TFCP2: variants seen among roughly 807,000 people sequenced by gnomAD.
The protein encoded by TFCP2 is alpha-globin transcription factor CP2.
In TFCP2, 33 loss-of-function variants were observed where a neutral mutation model predicts 73.4. The observed-to-expected ratio is 0.45, with a 90% CI of 0.34 to 0.60. TFCP2 has a LOEUF of 0.60. Ranked by LOEUF, TFCP2 falls within the 20% of genes least tolerant of loss-of-function variation. The pLI, the probability that TFCP2 is intolerant of heterozygous loss-of-function variation, is 0.01. For missense variants in TFCP2, 352 were observed against 604.0 expected (o/e 0.58, Z 4.37); for synonymous variants, 193 against 211.6 (o/e 0.91, Z 0.76).
At chr12:51,160,653 C>T (rs1231742306) in intron 1 of TFCP2, among the ~76,000 whole-genome samples, 2 of 152,118 alleles carry the variant, frequency 1.3e-5, no homozygotes, top group African/African-American at 4.8e-5. Context: ...GTAGGAACTT[C>T]AGGAGTTAGT....
intron 1 of TFCP2, 21 bp downstream of exon 1, chr12:51,172,280 G>C (rs1941877354): frequency 6.2e-7 from 1 of 1,613,570 alleles, no homozygotes. Context: ...AAGGTGTAGG[G>C]TCTGGGAAAA....
At chr12:51,132,387 T>TTTTTTTTG (rs1186866774) in intron 1 of TFCP2, among the ~76,000 whole-genome samples, 1 of 127,582 alleles carries the variant, frequency 7.8e-6, no homozygotes, top group African/African-American at 2.9e-5. Context: ...TTTTTTTTTT[T>TTTTTTTTG]AGACAGAGTC....
chr12:51,111,061 T>G, intron 4 of TFCP2, 78 bp from the exon 5 acceptor site: 1 of 973,266 alleles, frequency 1.0e-6, no homozygotes, highest in Non-Finnish European at 1.6e-6. Flanking sequence ...ATTCTTATAT[T>G]ACTCAATGTA....
chr12:51,103,830 T>C, intron 9 of TFCP2, 67 bp from the exon 10 acceptor site: 2 of 1,252,942 alleles, frequency 1.6e-6, no homozygotes, highest in South Asian at 2.5e-5. Context: ...AGGTAACACA[T>C]AGCCAAACAC....
intron 12 of TFCP2, 41 bp downstream of exon 12, chr12:51,099,614 C>T (rs978681655): frequency 6.2e-6 from 10 of 1,603,832 alleles, no homozygotes; most frequent in South Asian, 1.1e-5. Flanking sequence ...TATCTCTTCA[C>T]CTTTCTTCAT....
In TFCP2 at chr12:51,172,573, T is replaced by A; in HGVS notation, c.-151A>T. ...AGCCACCCCCAAGCCCGACCAGCAC[T>A]GCTCTGTGCACAACTAATCTCCCGT... On this transcript the variant is annotated 5_prime_UTR_variant, in exon 1 of 15. Coordinates refer to ENST00000257915, the MANE Select transcript of TFCP2 (RefSeq NM_005653.5). The A allele has an allele frequency of 1.0e-6, 1 of 977,314 alleles. No homozygotes were observed. Among genetic ancestry groups the A allele is most frequent in the Non-Finnish European group, 1.5e-6 (1 of 670,182 alleles). The allele number at this position is 977,314 out of a possible 1,614,324, so 60.5% of individuals were successfully genotyped here. A position where few individuals can be genotyped will look rare whatever the true frequency, so the allele number is the denominator to read the frequency against.
At chr12:51,169,271 C>T (rs997167844) in intron 1 of TFCP2, among the ~76,000 whole-genome samples, 3 of 151,666 alleles carry the variant, frequency 2.0e-5, no homozygotes, top group Non-Finnish European at 4.4e-5. Context: ...GAGGCTGAGA[C>T]GGGTGGATCA....
chr12:51,095,363 G>A (rs752962701), intron 14 of TFCP2, 85 bp from the exon 15 acceptor site: 53 of 1,430,966 alleles, frequency 3.7e-5, no homozygotes, highest in Non-Finnish European at 5.0e-5. Flanking sequence ...AGATTCTCGT[G>A]AGAAGGGGAG....
At chr12:51,159,093 C>A (rs7965004) in intron 1 of TFCP2, among the ~76,000 whole-genome samples, 132,632 of 143,292 alleles carry the variant, frequency 0.93, 61,672 homozygotes, top group Non-Finnish European at 0.98. Flanking sequence ...GCAGGGGAAA[C>A]GTTTGAACTC....
rs1407427250 is a variant in TFCP2, at chr12:51,096,021, T to C, written c.1439A>G (p.Glu480Gly). 2 of 1,613,282 alleles carry C rather than the reference T, an allele frequency of 1.2e-6. No individual in the cohort carries two copies. Among genetic ancestry groups the C allele is most frequent in the East Asian group, 4.5e-5 (2 of 44,840 alleles). The change falls in exon 14 of 15, where the codon GAA becomes GGA. Residue 480 changes from glutamate to glycine, a missense_variant. By Grantham distance (98) the Glu-to-Gly change is moderately conservative. Coordinates refer to ENST00000257915, the MANE Select transcript of TFCP2 (RefSeq NM_005653.5). ...TGTGTCCAGAATAAAACATGCTTCT[T>C]CCTGAAAGTTCTGTATCATCTGAAA... is the stretch of plus-strand genomic sequence containing the variant. ...ISDEMIQNFQ[E>G]EACFILDTMK...
Position 51,110,916 on chromosome 12 carries a change from G to A in TFCP2, c.525C>T (p.Phe175=). Residue 175 remains phenylalanine (F), a synonymous_variant, in exon 5 of 15, where the codon TTC becomes TTT. Coordinates refer to ENST00000257915, the MANE Select transcript of TFCP2 (RefSeq NM_005653.5). ...ANPTQLNTVE[F]LWDPAKRTSV... The stretch of plus-strand genomic sequence containing the variant: ...ATGTCCTCTTTGCAGGGTCCCACAG[G>A]AACTCCACTGTATTTAGTTGAGTTG... 1 of 1,614,030 alleles carries A rather than the reference G, an allele frequency of 6.2e-7. No homozygotes were observed. The highest frequency in any genetic ancestry group is 8.5e-7 in the Non-Finnish European group (1 of 1,179,964).
intron 8 of TFCP2, among the ~76,000 whole-genome samples, chr12:51,105,290 C>T (rs529530419): frequency 2.3e-4 from 35 of 152,058 alleles, no homozygotes; most frequent in Non-Finnish European, 4.9e-4. Flanking sequence ...GACGGGGTTT[C>T]ACCATGTTGG....
chr12:51,131,388 G>C (rs1003141449), intron 1 of TFCP2, among the ~76,000 whole-genome samples: 1 of 149,754 alleles, frequency 6.7e-6, no homozygotes, highest in Non-Finnish European at 1.5e-5. Flanking sequence ...TAAAGGTATA[G>C]ATAACATCTA....
At position 51,160,424 on chromosome 12, in the gene TFCP2, C is replaced by G. The variant is rs150323584; in HGVS notation, c.122+11877G>C. 6.9e-3 allele frequency among the ~76,000 whole-genome samples: 1,053 copies of G among 152,132 alleles called. 36 individuals are homozygous for G. The highest frequency in any genetic ancestry group is 0.055 in the Admixed American group (842 of 15,262). On this transcript the variant is annotated intron_variant, in intron 1 of 14. Transcript: ENST00000257915. ...GGCTGGGATTATAGGCGTGAGCCAC[C>G]GCGCCCAGCTGTGAATTTTTTTTTT...
intron 1 of TFCP2, among the ~76,000 whole-genome samples, chr12:51,160,626 T>TA (rs902270601): frequency 6.6e-6 from 1 of 152,134 alleles, no homozygotes; most frequent in Admixed American, 6.5e-5. Context: ...ATTAAGGACA[T>TA]AGGTCAAGAT....
chr12:51,109,316 C>T, intron 5 of TFCP2, 43 bp from the exon 6 acceptor site: 2 of 1,598,166 alleles, frequency 1.3e-6, no homozygotes, highest in Non-Finnish European at 1.7e-6. Context: ...CGCTAGCTAG[C>T]CAAACCAGTT....
Position 51,169,237 on chromosome 12 carries a change from G to A in TFCP2, c.122+3064C>T, listed in dbSNP as rs182629415. Among the ~76,000 whole-genome samples the A allele has an allele frequency of 1.8e-4, 28 of 152,008 alleles. No homozygotes were observed. The East Asian group carries it at 5.1e-3, about 27-fold the overall frequency. On this transcript the variant is annotated intron_variant, in intron 1 of 14. Transcript: ENST00000257915. ...AAGAGAGCTGGGTGCAGTGGCTCAC[G>A]CCTGTAATCCCCCAGCACTTTGGGA...
intron 1 of TFCP2, among the ~76,000 whole-genome samples, chr12:51,155,796 C>A (rs568893754): frequency 1.3e-5 from 2 of 152,324 alleles, no homozygotes; most frequent in Admixed American, 1.3e-4. Context: ...AAAGCCAGCA[C>A]TTTGGGAGGC....
chr12:51,169,067 G>C (rs1402634819), intron 1 of TFCP2, among the ~76,000 whole-genome samples: 1 of 151,950 alleles, frequency 6.6e-6, no homozygotes, highest in Non-Finnish European at 1.5e-5. Flanking sequence ...CTCCCAAAGT[G>C]TTTGGATTAC....
Sources: gnomAD v4.1 joint callset for allele counts (sites outside exome capture counted in the v4.1 genomes callset) on GRCh38, gnomAD v4.1.1 for gene constraint, MANE v1.5 for transcripts, NCBI Gene and HGNC (gene_info 2026-07-23, HGNC 2026-07-21) for gene names.